Variants in EYA1 observed in about 807,000 individuals in gnomAD.
EYA1 encodes the protein protein phosphatase EYA1.
In EYA1, 16 loss-of-function variants were observed where a neutral mutation model predicts 82.0. The observed-to-expected ratio is 0.20, with a 90% CI of 0.13 to 0.30. The LOEUF is 0.30. Among genes scored for constraint, EYA1 ranks in the 10% least tolerant of loss-of-function variants. EYA1 has a pLI of 1.00. For synonymous variants in EYA1, 261 were observed against 264.4 expected, an observed-to-expected ratio of 0.99 and a Z score of 0.12; for missense variants, 633 against 730.7, an observed-to-expected ratio of 0.87 and a Z score of 1.54.
chr8:71,259,296 T>C (rs1814815016), intron 11 of EYA1, among the ~76,000 whole-genome samples: 2 of 152,116 alleles, frequency 1.3e-5, no homozygotes, highest in Non-Finnish European at 2.9e-5. Context: ...TGTTACCTTA[T>C]TACACAGATG....
intron 1 of EYA1, among the ~76,000 whole-genome samples, chr8:71,547,342 T>A (rs942500425): frequency 6.6e-6 from 1 of 152,006 alleles, no homozygotes; most frequent in Non-Finnish European, 1.5e-5. Flanking sequence ...TCCCCCGACG[T>A]CCCAATCAGT....
intron 11 of EYA1, among the ~76,000 whole-genome samples, chr8:71,269,044 A>G (rs773222976): frequency 1.6e-4 from 24 of 152,236 alleles, no homozygotes; most frequent in Non-Finnish European, 2.8e-4. Flanking sequence ...GCTACTTTAA[A>G]TAACATTTTT....
chr8:71,506,331 T>TTA (rs1221171096), intron 2 of EYA1, among the ~76,000 whole-genome samples: 2 of 152,208 alleles, frequency 1.3e-5, no homozygotes, highest in African/African-American at 4.8e-5. Flanking sequence ...AGGCAAGTCT[T>TTA]TACAAGTATC....
chr8:71,509,343 C>T (rs1431159144), intron 2 of EYA1, among the ~76,000 whole-genome samples: 1 of 152,044 alleles, frequency 6.6e-6, no homozygotes, highest in Non-Finnish European at 1.5e-5. Context: ...TATAACCAAC[C>T]TTATTGCTTT....
At chr8:71,378,537 G>C (rs571532287) in intron 2 of EYA1, among the ~76,000 whole-genome samples, 1 of 152,242 alleles carries the variant, frequency 6.6e-6, no homozygotes, top group Non-Finnish European at 1.5e-5. Context: ...GATCTGATCA[G>C]ATTGTGATAA....
intron 2 of EYA1, among the ~76,000 whole-genome samples, chr8:71,499,684 A>G (rs1427799463): frequency 6.6e-6 from 1 of 152,346 alleles, no homozygotes; most frequent in East Asian, 1.9e-4. Flanking sequence ...ACATGACTAT[A>G]ACAGATTTAT....
intron 11 of EYA1, among the ~76,000 whole-genome samples, chr8:71,254,863 G>C (rs545267064): frequency 4.9e-4 from 53 of 107,824 alleles, no homozygotes; most frequent in African/African-American, 1.7e-3. Context: ...CACACACACA[G>C]AGTCTGTTAG....
At chr8:71,231,297 G>A (rs998105172) in intron 12 of EYA1, among the ~76,000 whole-genome samples, 17 of 152,038 alleles carry the variant, frequency 1.1e-4, no homozygotes, top group African/African-American at 3.4e-4. Context: ...GGTTACCCTC[G>A]GCATCCATTG....
chr8:71,336,083 T>C (rs546227705), intron 3 of EYA1, among the ~76,000 whole-genome samples: 20 of 152,212 alleles, frequency 1.3e-4, no homozygotes, highest in Non-Finnish European at 1.8e-4. Flanking sequence ...TTGTTTCCCA[T>C]GCACACATTA....
intron 17 of EYA1, among the ~76,000 whole-genome samples, chr8:71,209,984 TAC>T (rs1808301584): frequency 6.6e-6 from 1 of 152,222 alleles, no homozygotes; most frequent in Non-Finnish European, 1.5e-5. Flanking sequence ...CCATTTGTTG[TAC>T]ACTTTACACA....
chr8:71,356,552 T>G, intron 1 of EYA1, 41 bp from the exon 2 acceptor site: 1 of 1,548,314 alleles, frequency 6.5e-7, no homozygotes, highest in South Asian at 1.2e-5. Context: ...GTTGTTACTC[T>G]GCTTCAGTGT....
intron 2 of EYA1, among the ~76,000 whole-genome samples, chr8:71,459,940 GA>G (rs763727731): frequency 1.1e-4 from 17 of 152,192 alleles, no homozygotes; most frequent in Non-Finnish European, 2.1e-4. Flanking sequence ...TATGAATTCA[GA>G]AAAATATCTC....
intron 11 of EYA1, among the ~76,000 whole-genome samples, chr8:71,249,814 T>A (rs1813529746): frequency 6.6e-6 from 1 of 152,144 alleles, no homozygotes; most frequent in Admixed American, 6.5e-5. Context: ...AGATGTCCCA[T>A]AAAGCACCTG....
chr8:71,311,145 A>G (rs1468632659), intron 7 of EYA1, among the ~76,000 whole-genome samples: 2 of 152,210 alleles, frequency 1.3e-5, no homozygotes, highest in South Asian at 2.1e-4. Context: ...TGTTTTCTGT[A>G]TTAGATGGAA....
intron 2 of EYA1, among the ~76,000 whole-genome samples, chr8:71,530,226 A>G (rs1343496235): frequency 1.3e-5 from 2 of 152,194 alleles, no homozygotes; most frequent in Admixed American, 6.5e-5. Flanking sequence ...CAATATAGGC[A>G]GAGATTGAAG....
At chr8:71,244,492 C>T (rs1294616134) in intron 12 of EYA1, 111 bp downstream of exon 12, 2 of 667,120 alleles carry the variant, frequency 3.0e-6, no homozygotes, top group African/African-American at 3.6e-5. Context: ...ACCAACAAAC[C>T]TCTGTCTCAC....
At chr8:71,416,568 G>A (rs1263544165) in intron 2 of EYA1, among the ~76,000 whole-genome samples, 2 of 152,080 alleles carry the variant, frequency 1.3e-5, no homozygotes, top group Non-Finnish European at 2.9e-5. Flanking sequence ...CCCCTGAAAG[G>A]CCACATTTAC....
chr8:71,524,160 A>G (rs1813642698), intron 2 of EYA1, among the ~76,000 whole-genome samples: 2 of 152,248 alleles, frequency 1.3e-5, no homozygotes, highest in Non-Finnish European at 2.9e-5. Flanking sequence ...CTAACCAAAT[A>G]GAAACATTTT....
In EYA1 at chr8:71,354,921, A is replaced by T; in HGVS notation, c.-4-12T>A. ...GCATTTCCATAGACCTAAAGACAAGAAGCCTTCCATTTGACAGATGTACCA... is the reference window on the plus strand; with the variant it reads ...GCATTTCCATAGACCTAAAGACAAGTAGCCTTCCATTTGACAGATGTACCA... On this transcript the variant is annotated splice_polypyrimidine_tract_variant and intron_variant, in intron 2 of 17. Coordinates refer to ENST00000340726, the MANE Select transcript of EYA1 (RefSeq NM_000503.6). 1 of 1,612,334 alleles carries T rather than the reference A, an allele frequency of 6.2e-7. No individual in the cohort carries two copies.
Sources: allele counts gnomAD v4.1 joint callset (sites outside exome capture counted in the v4.1 genomes callset), GRCh38; gene constraint gnomAD v4.1.1; transcripts MANE v1.5; gene names NCBI Gene and HGNC (gene_info 2026-07-23, HGNC 2026-07-21).